The following PARD3 variants were observed in gnomAD, a reference collection of about 807,000 sequenced individuals.
PARD3 encodes partitioning defective 3 homolog.
In PARD3, 75 loss-of-function variants were observed where a neutral mutation model predicts 155.4. The observed-to-expected ratio is 0.48, with a 90% confidence interval of 0.40 to 0.58. PARD3 has a LOEUF of 0.58. Among genes scored for constraint, PARD3 ranks in the 20% least tolerant of loss-of-function variants. The pLI, the probability that PARD3 is intolerant of heterozygous loss-of-function variation, is 0.00. For synonymous variants in PARD3, 576 were observed against 610.5 expected (o/e 0.94, Z 0.83); for missense variants, 1,642 against 1,721.7 (o/e 0.95, Z 0.82).
intron 5 of PARD3, among the ~76,000 whole-genome samples, chr10:34,447,103 G>T (rs1032073824): frequency 6.6e-6 from 1 of 152,076 alleles, no homozygotes; most frequent in Non-Finnish European, 1.5e-5. Context: ...ACTGAAAAAT[G>T]ATCAGCATCA....
rs1179124766 is a variant in PARD3, at chr10:34,109,600, T to C, written c.*1569A>G. On this transcript the variant is annotated 3_prime_UTR_variant, in exon 25 of 25. Coordinates refer to ENST00000374788, the MANE Select transcript of PARD3 (RefSeq NM_001184785.2). Reference sequence around the variant, plus strand: ...TGCCTTTTATTAGGAGTTGCATATGTACAGAGAAAGCTGTTTCTCACAGCT... The same window carrying C: ...TGCCTTTTATTAGGAGTTGCATATGCACAGAGAAAGCTGTTTCTCACAGCT... The C allele has an allele frequency of 2.0e-5, 3 of 152,090 alleles. No individual in the cohort carries two copies. The highest frequency in any genetic ancestry group is 7.2e-5 in the African/African-American group (3 of 41,408). 9.4% of individuals were successfully genotyped at this position (152,090 alleles called of 1,614,324 possible). A position where few individuals can be genotyped will look rare whatever the true frequency, so the allele number is the denominator to read the frequency against.
At chr10:34,431,560 GT>G (rs757953693) in intron 5 of PARD3, among the ~76,000 whole-genome samples, 12 of 151,728 alleles carry the variant, frequency 7.9e-5, no homozygotes, top group Non-Finnish European at 1.6e-4. Flanking sequence ...GGCCAACATG[GT>G]GAAACCCTGT....
intron 1 of PARD3, among the ~76,000 whole-genome samples, chr10:34,711,062 G>A (rs577607163): frequency 6.6e-4 from 101 of 152,054 alleles, no homozygotes; most frequent in Non-Finnish European, 1.1e-3. Flanking sequence ...TGTAGTCCCA[G>A]GTATTCCGGA....
Position 34,382,575 on chromosome 10 carries a change from T to G in PARD3, c.1364A>C (p.Lys455Thr). ...TTVSSGYNTK[K>T]IGKRLNIQLK... is the part of the protein sequence containing the mutation. ...CTGGATATTAAGCCTCTTGCCTATT[T>G]TTTTGGTGTTATAACCACTGCTTAC... The change falls in exon 9 of 25, where the codon AAA (lysine) becomes ACA (threonine). Residue 455 changes from lysine to threonine, a missense_variant. Physicochemically the swap from Lys to Thr is moderately conservative, Grantham distance 78 (BLOSUM62 -1). Coordinates refer to ENST00000374788, the MANE Select transcript of PARD3 (RefSeq NM_001184785.2). The G allele has an allele frequency of 6.2e-7, 1 of 1,613,490 alleles. No homozygotes were observed. The highest frequency in any genetic ancestry group is 8.5e-7 in the Non-Finnish European group (1 of 1,179,980).
At chr10:34,272,573 T>C (rs1014483485) in intron 21 of PARD3, among the ~76,000 whole-genome samples, 1 of 151,828 alleles carries the variant, frequency 6.6e-6, no homozygotes, top group African/African-American at 2.4e-5. Context: ...CTACAAAAAA[T>C]GCAAAAATTA....
At chr10:34,725,575 T>C (rs559229496) in intron 1 of PARD3, among the ~76,000 whole-genome samples, 1 of 152,032 alleles carries the variant, frequency 6.6e-6, no homozygotes, top group South Asian at 2.1e-4. Flanking sequence ...CTGTGAGGAG[T>C]AGTGTTATTC....
Position 34,751,493 on chromosome 10 carries a change from A to C in PARD3, c.121-55074T>G, listed in dbSNP as rs1457557975. On this transcript the variant is annotated intron_variant, in intron 1 of 24. Transcript: ENST00000374788. Reference sequence around the variant, plus strand: ...AACAACCTTGACATTATAGTACTTTAATTGTCCTACACATCCCTTCAGAGT... The same window carrying C: ...AACAACCTTGACATTATAGTACTTTCATTGTCCTACACATCCCTTCAGAGT... 2.0e-5 allele frequency among the ~76,000 whole-genome samples: 3 copies of C among 152,162 alleles called. No homozygotes were observed. In the East Asian group the frequency reaches 5.8e-4, roughly 29 times the overall value.
intron 21 of PARD3, among the ~76,000 whole-genome samples, chr10:34,281,914 A>C (rs867758783): frequency 6.6e-6 from 1 of 152,126 alleles, no homozygotes; most frequent in Non-Finnish European, 1.5e-5. Flanking sequence ...GAGGTATTTC[A>C]CTACTAGTCA....
At chr10:34,183,540 T>C (rs2133211328) in intron 22 of PARD3, among the ~76,000 whole-genome samples, 2 of 152,274 alleles carry the variant, frequency 1.3e-5, no homozygotes, top group Middle Eastern at 6.8e-3. Context: ...ACGGCCAACA[T>C]GGTGATTCCC....
chr10:34,344,217 C>A (rs1837135253), intron 15 of PARD3: 2 of 983,646 alleles, frequency 2.0e-6, no homozygotes, highest in Non-Finnish European at 2.4e-6. Flanking sequence ...AATGGATGTG[C>A]TGGTTAAATT....
intron 5 of PARD3, among the ~76,000 whole-genome samples, chr10:34,444,571 T>C (rs1342767500): frequency 6.6e-6 from 1 of 152,212 alleles, no homozygotes; most frequent in African/African-American, 2.4e-5. Context: ...GACTCTGATG[T>C]AGGATTCAGC....
chr10:34,317,260 A>G lies in PARD3; in HGVS notation c.2912T>C (p.Leu971Pro). ...STASDQPSHS[L>P]ERQMNGNQEK... ...TTGGTTTCCATTCATTTGTCTCTCC[A>G]GAGAGTGGGAAGGCTGATCACTGGC... The change falls in exon 20 of 25, where the codon CTG becomes CCG. Residue 971 changes from leucine to proline, a missense_variant. By Grantham distance (98) the Leu-to-Pro change is moderately conservative. Coordinates refer to ENST00000374788, the MANE Select transcript of PARD3 (RefSeq NM_001184785.2). 3 of 1,613,630 alleles carry G rather than the reference A, an allele frequency of 1.9e-6. No homozygotes were observed.
At chr10:34,145,221 ATT>A (rs57442429) in intron 22 of PARD3, among the ~76,000 whole-genome samples, 1,722 of 33,512 alleles carry the variant, frequency 0.051, 39 homozygotes, top group East Asian at 0.16. Context: ...ATATATATAT[ATT>A]TTTTTTTTTT....
intron 1 of PARD3, among the ~76,000 whole-genome samples, chr10:34,735,723 A>T (rs964151024): frequency 3.3e-5 from 5 of 152,242 alleles, no homozygotes; most frequent in Admixed American, 3.3e-4. Flanking sequence ...AGGAAAAAAA[A>T]TTTGAAACAA....
intron 1 of PARD3, among the ~76,000 whole-genome samples, chr10:34,781,283 T>C (rs1840210279): frequency 6.6e-6 from 1 of 152,224 alleles, no homozygotes; most frequent in African/African-American, 2.4e-5. Flanking sequence ...GTATTTCACT[T>C]GCCCCTCTGA....
chr10:34,802,579 G>A (rs938309941), intron 1 of PARD3, among the ~76,000 whole-genome samples: 1 of 152,126 alleles, frequency 6.6e-6, no homozygotes, highest in African/African-American at 2.4e-5. Context: ...GGTCTGGGGG[G>A]CCCAAACCAA....
At chr10:34,211,178 T>G (rs1216045280) in intron 22 of PARD3, among the ~76,000 whole-genome samples, 3 of 152,190 alleles carry the variant, frequency 2.0e-5, no homozygotes, top group Non-Finnish European at 4.4e-5. Flanking sequence ...CTTGCATTTC[T>G]GTGAGGGCAG....
At chr10:34,782,297 G>A (rs924255395) in intron 1 of PARD3, among the ~76,000 whole-genome samples, 1 of 152,174 alleles carries the variant, frequency 6.6e-6, no homozygotes, top group Non-Finnish European at 1.5e-5. Context: ...GACAGCAGAG[G>A]CAGAATCCAG....
intron 2 of PARD3, among the ~76,000 whole-genome samples, chr10:34,586,073 A>AG (rs1341087142): frequency 5.9e-5 from 9 of 152,130 alleles, no homozygotes; most frequent in Non-Finnish European, 1.0e-4. Flanking sequence ...AATATCCATG[A>AG]GAAAAAAAAA....
Sources: gnomAD v4.1 joint callset for allele counts (sites outside exome capture counted in the v4.1 genomes callset) on GRCh38, gnomAD v4.1.1 for gene constraint, MANE v1.5 for transcripts, NCBI Gene and HGNC (gene_info 2026-07-23, HGNC 2026-07-21) for gene names.